UNC13B: variants seen among roughly 807,000 people sequenced by gnomAD.
UNC13B encodes protein unc-13 homolog B.
A neutral mutation model predicts 211.0 loss-of-function variants in UNC13B; 144 were observed. The observed-to-expected ratio is 0.68, with a 90% CI of 0.60 to 0.78. The LOEUF (loss-of-function observed/expected upper bound fraction) is 0.78, where lower values mean the gene tolerates loss of function less well. Ranked by LOEUF, UNC13B falls within the 30% of genes least tolerant of loss-of-function variation. UNC13B has a pLI of 0.00. For missense variants in UNC13B, 1,777 were observed against 2,002.0 expected (o/e 0.89, Z 2.14); for synonymous variants, 709 against 725.8 (o/e 0.98, Z 0.37).
chr9:35,206,902 A>G (rs1011579645), intron 1 of UNC13B, among the ~76,000 whole-genome samples: 1 of 152,018 alleles, frequency 6.6e-6, no homozygotes, highest in African/African-American at 2.4e-5. Flanking sequence ...ACACACACAA[A>G]AACTCTAGTG....
chr9:35,203,032 T>G (rs1823408547), intron 1 of UNC13B, among the ~76,000 whole-genome samples: 1 of 152,192 alleles, frequency 6.6e-6, no homozygotes, highest in Non-Finnish European at 1.5e-5. Flanking sequence ...GACCTCGTGA[T>G]CCACCCACCT....
At chr9:35,354,222 C>G (rs1481536080) in intron 11 of UNC13B, among the ~76,000 whole-genome samples, 1 of 152,120 alleles carries the variant, frequency 6.6e-6, no homozygotes, top group Non-Finnish European at 1.5e-5. Context: ...CTCACAGGCA[C>G]TAGAAGGGCT....
At chr9:35,334,652 C>T (rs1340944577) in intron 11 of UNC13B, among the ~76,000 whole-genome samples, 1 of 152,186 alleles carries the variant, frequency 6.6e-6, no homozygotes, top group Non-Finnish European at 1.5e-5. Flanking sequence ...CTAGATTGCT[C>T]TTGAGGTCAA....
intron 11 of UNC13B, among the ~76,000 whole-genome samples, chr9:35,348,377 G>T (rs1177727496): frequency 2.0e-5 from 3 of 152,200 alleles, no homozygotes; most frequent in Non-Finnish European, 2.9e-5. Context: ...CCGGCCTCCT[G>T]ACACTTGAAT....
chr9:35,236,572 C>A lies in UNC13B; in HGVS notation c.256C>A (p.Arg86Ser). The part of the protein sequence containing the change: ...GTVWIALKTI[R>S]QSDEEGPGEW... ...TGTGTGGATTGCGCTGAAGACTATT[C>A]GTCAGTCGGATGAGGTCAGTCATTG... The change falls in exon 4 of 40, where the codon CGT becomes AGT. Residue 86 changes from arginine (R) to serine (S), a missense_variant. Physicochemically the swap from Arg to Ser is moderately radical, Grantham distance 110. Coordinates refer to ENST00000635942, the MANE Select transcript of UNC13B (RefSeq NM_001371189.2). The A allele has an allele frequency of 1.2e-6, 2 of 1,613,866 alleles. No homozygotes were observed. Among genetic ancestry groups the A allele is most frequent in the Non-Finnish European group, 1.7e-6 (2 of 1,179,852 alleles).
chr9:35,319,691 C>T (rs1391943210), intron 11 of UNC13B, among the ~76,000 whole-genome samples: 1 of 151,674 alleles, frequency 6.6e-6, no homozygotes, highest in Non-Finnish European at 1.5e-5. Flanking sequence ...GATGGGGTCT[C>T]ACTCTGTCAC....
intron 13 of UNC13B, among the ~76,000 whole-genome samples, chr9:35,374,460 G>A (rs1308859763): frequency 3.0e-5 from 4 of 135,560 alleles, no homozygotes; most frequent in Non-Finnish European, 6.2e-5. Flanking sequence ...GGCTAGCAAG[G>A]CAGCCCCAGC....
At chr9:35,249,862 T>C (rs1371504146) in intron 6 of UNC13B, among the ~76,000 whole-genome samples, 4 of 152,220 alleles carry the variant, frequency 2.6e-5, no homozygotes, top group East Asian at 3.8e-4. Context: ...GGAGTATCTT[T>C]GTTGCTTTCT....
chr9:35,243,191 C>T, intron 5 of UNC13B, 100 bp from the exon 6 acceptor site: 1 of 1,196,140 alleles, frequency 8.4e-7, no homozygotes, highest in Middle Eastern at 2.0e-4. Context: ...TCACTACCAC[C>T]TTCTGACTTC....
At chr9:35,350,228 CTG>C (rs1049609561) in intron 11 of UNC13B, among the ~76,000 whole-genome samples, 1 of 152,224 alleles carries the variant, frequency 6.6e-6, no homozygotes, top group Non-Finnish European at 1.5e-5. Context: ...GTCTCTGCCT[CTG>C]TAATGCAGTC....
intron 1 of UNC13B, among the ~76,000 whole-genome samples, chr9:35,191,748 T>C (rs3904434): frequency 0.73 from 111,576 of 152,178 alleles, 41,546 homozygotes; most frequent in Non-Finnish European, 0.81. Flanking sequence ...AAACAAAGTA[T>C]TGCCACGTGG....
At chr9:35,344,169 T>C (rs1252010603) in intron 11 of UNC13B, among the ~76,000 whole-genome samples, 1 of 152,144 alleles carries the variant, frequency 6.6e-6, no homozygotes, top group African/African-American at 2.4e-5. Flanking sequence ...CACAGCAGGA[T>C]CTCTCCCTGC....
chr9:35,167,731 G>A (rs1240680763), intron 1 of UNC13B, among the ~76,000 whole-genome samples: 2 of 149,782 alleles, frequency 1.3e-5, no homozygotes, highest in African/African-American at 2.5e-5. Context: ...GGGATTACAG[G>A]TGCCTGCCAC....
In UNC13B at chr9:35,404,054, A is replaced by T. The variant is rs757011138; in HGVS notation, c.*21A>T. ...GCTGAACACCTTCGACTCCTGTGCCAATCAGGCAGCAGCAATTTCACAAAT... is the reference window on the plus strand; with the variant it reads ...GCTGAACACCTTCGACTCCTGTGCCTATCAGGCAGCAGCAATTTCACAAAT... On this transcript the variant is annotated 3_prime_UTR_variant, in exon 40 of 40. Transcript: ENST00000635942. 1 of 1,602,824 alleles carries T rather than the reference A, an allele frequency of 6.2e-7. No individual in the cohort carries two copies. The highest frequency in any genetic ancestry group is 1.3e-5 in the African/African-American group (1 of 74,840).
intron 1 of UNC13B, among the ~76,000 whole-genome samples, chr9:35,207,027 G>A (rs1823694223): frequency 6.6e-6 from 1 of 152,126 alleles, no homozygotes; most frequent in Non-Finnish European, 1.5e-5. Flanking sequence ...ACATGTTCCT[G>A]TGTGGCATAT....
At chr9:35,314,085 T>C in intron 11 of UNC13B, 96 bp downstream of exon 11, 1 of 994,754 alleles carries the variant, frequency 1.0e-6, no homozygotes. Flanking sequence ...AGTCATCTTC[T>C]TACAGTGTGC....
chr9:35,171,871 G>A (rs1193684873), intron 1 of UNC13B, among the ~76,000 whole-genome samples: 1 of 151,322 alleles, frequency 6.6e-6, no homozygotes, highest in Non-Finnish European at 1.5e-5. Context: ...ATTAGATTAT[G>A]TGGGGAGAAA....
rs138334464 is a variant in UNC13B, at chr9:35,219,515, G to A, written c.23-8500G>A. Among the ~76,000 whole-genome samples, 8 of 151,630 alleles carry A rather than the reference G, an allele frequency of 5.3e-5. No individual in the cohort carries two copies. The East Asian group carries it at 1.5e-3, about 29-fold the overall frequency. ...ACCTGTGGTCCTAGCTACTTGGGAG[G>A]CTAAGGCAGGAGGATTGCTTGAACC... On this transcript the variant is annotated intron_variant, in intron 1 of 39. Coordinates refer to ENST00000635942, the MANE Select transcript of UNC13B (RefSeq NM_001371189.2).
At chr9:35,235,082 C>T (rs905725725) in intron 3 of UNC13B, among the ~76,000 whole-genome samples, 3 of 152,128 alleles carry the variant, frequency 2.0e-5, no homozygotes, top group Non-Finnish European at 2.9e-5. Context: ...GTACTATTTG[C>T]GTATTCTAGT....
Sources: allele counts gnomAD v4.1 joint callset (sites outside exome capture counted in the v4.1 genomes callset), GRCh38; gene constraint gnomAD v4.1.1; transcripts MANE v1.5; gene names NCBI Gene and HGNC (gene_info 2026-07-23, HGNC 2026-07-21).